The following ALK variants were observed in gnomAD, a reference collection of about 807,000 sequenced individuals.
The protein encoded by ALK is ALK receptor tyrosine kinase.
Under a neutral mutation model 163.1 loss-of-function variants are expected in ALK, and 74 were observed. The ratio of observed to expected loss-of-function variants is 0.45; its 90% CI spans 0.38 to 0.55. The LOEUF (loss-of-function observed/expected upper bound fraction) is 0.55, where lower values mean the gene tolerates loss of function less well. Ranked by LOEUF, ALK falls within the 20% of genes least tolerant of loss-of-function variation. The probability of loss-of-function intolerance (pLI) is 0.00; values close to 1 mark genes in which losing one functional copy is unlikely to be tolerated. For missense variants in ALK, 2,063 were observed against 2,105.3 expected (o/e 0.98, Z 0.39); for synonymous variants, 960 against 843.2 (o/e 1.14, Z -2.40).
intron 1 of ALK, among the ~76,000 whole-genome samples, chr2:29,868,019 G>A (rs1340986508): frequency 6.6e-6 from 1 of 152,160 alleles, no homozygotes; most frequent in Non-Finnish European, 1.5e-5. Flanking sequence ...GCAGGAACAG[G>A]TGTGTGTAAT....
chr2:29,710,450 C>T (rs1679044013), intron 2 of ALK, among the ~76,000 whole-genome samples: 1 of 151,702 alleles, frequency 6.6e-6, no homozygotes, highest in African/African-American at 2.4e-5. Flanking sequence ...TCCTGGATCT[C>T]CTCTGGGTCT....
At chr2:29,614,412 T>A (rs961535796) in intron 3 of ALK, among the ~76,000 whole-genome samples, 1 of 152,188 alleles carries the variant, frequency 6.6e-6, no homozygotes, top group Non-Finnish European at 1.5e-5. Context: ...GGCTCTGCGG[T>A]TAGTTCCTTT....
chr2:29,750,104 T>C (rs1463054781), intron 1 of ALK, among the ~76,000 whole-genome samples: 1 of 152,236 alleles, frequency 6.6e-6, no homozygotes, highest in African/African-American at 2.4e-5. Context: ...CATGATTGCA[T>C]GGGACTCGAG....
At chr2:29,306,145 CTCTT>C (rs1013625433) in intron 8 of ALK, among the ~76,000 whole-genome samples, 5 of 152,190 alleles carry the variant, frequency 3.3e-5, no homozygotes, top group Admixed American at 6.5e-5. Context: ...TGTTAATTGA[CTCTT>C]TACTGAATGC....
At chr2:29,833,730 G>A (rs928496306) in intron 1 of ALK, among the ~76,000 whole-genome samples, 6 of 152,178 alleles carry the variant, frequency 3.9e-5, no homozygotes, top group Non-Finnish European at 5.9e-5. Flanking sequence ...AGGTGACACC[G>A]TTCATAGGTG....
chr2:29,688,087 T>C (rs1376285978), intron 3 of ALK, among the ~76,000 whole-genome samples: 1 of 152,222 alleles, frequency 6.6e-6, no homozygotes, highest in Non-Finnish European at 1.5e-5. Context: ...CAAGAAGTTC[T>C]TTCTTTCCTC....
At chr2:29,788,926 T>C (rs1486181901) in intron 1 of ALK, among the ~76,000 whole-genome samples, 2 of 152,104 alleles carry the variant, frequency 1.3e-5, no homozygotes, top group Non-Finnish European at 2.9e-5. Flanking sequence ...GTAAAAGAGT[T>C]AGTAGACTGG....
At chr2:29,556,524 G>A (rs924930023) in intron 3 of ALK, among the ~76,000 whole-genome samples, 1 of 152,192 alleles carries the variant, frequency 6.6e-6, no homozygotes, top group African/African-American at 2.4e-5. Flanking sequence ...AATTCTCAAG[G>A]TTGTAGTCTC....
intron 11 of ALK, among the ~76,000 whole-genome samples, chr2:29,251,646 C>A (rs560146712): frequency 1.3e-5 from 2 of 152,194 alleles, no homozygotes; most frequent in Non-Finnish European, 2.9e-5. Flanking sequence ...GTGGGACAGG[C>A]GTAGGCAGTA....
At chr2:29,300,049 G>A (rs1346483739) in intron 8 of ALK, among the ~76,000 whole-genome samples, 1 of 152,186 alleles carries the variant, frequency 6.6e-6, no homozygotes, top group Non-Finnish European at 1.5e-5. Flanking sequence ...GCAGCATCGG[G>A]TGGCCTACAC....
chr2:29,270,830 G>T (rs1291083364), intron 11 of ALK, among the ~76,000 whole-genome samples: 1 of 152,090 alleles, frequency 6.6e-6, no homozygotes, highest in Non-Finnish European at 1.5e-5. Flanking sequence ...CCTCCAGAGG[G>T]AACTTCCTGC....
At chr2:29,575,950 T>A (rs1362560760) in intron 3 of ALK, among the ~76,000 whole-genome samples, 1 of 152,034 alleles carries the variant, frequency 6.6e-6, no homozygotes, top group Non-Finnish European at 1.5e-5. Context: ...GCAGAGGAAA[T>A]GTGTTTATAT....
rs1358818139 is a variant in ALK, at chr2:29,303,115, G to A, written c.1648-6058C>T. 4.6e-5 allele frequency among the ~76,000 whole-genome samples: 7 copies of A among 152,208 alleles called. No homozygotes were observed. The South Asian group carries it at 1.5e-3, about 32-fold the overall frequency. ...ATGGGAGAAAATATTTGCAAACTATGCATCCAAGAAGGGATTAATATCCAG... is the reference window on the plus strand; with the variant it reads ...ATGGGAGAAAATATTTGCAAACTATACATCCAAGAAGGGATTAATATCCAG... On this transcript the variant is annotated intron_variant, in intron 8 of 28. Transcript: ENST00000389048.
At chr2:29,595,872 T>C (rs1215172663) in intron 3 of ALK, among the ~76,000 whole-genome samples, 1 of 152,140 alleles carries the variant, frequency 6.6e-6, no homozygotes, top group African/African-American at 2.4e-5. Flanking sequence ...ATTCCAGGAC[T>C]GAAGGGAAAA....
chr2:29,745,817 T>G (rs190453667), intron 1 of ALK, among the ~76,000 whole-genome samples: 1 of 152,090 alleles, frequency 6.6e-6, no homozygotes, highest in Admixed American at 6.5e-5. Context: ...AGAGAGTAGG[T>G]GCTAAATAAA....
chr2:29,318,173 AG>A lies in ALK; in HGVS notation c.1647+130del, dbSNP rs1030422155. On this transcript the variant is annotated intron_variant, in intron 8 of 28. Transcript: ENST00000389048. ...ACATGCTCTGCCTCGAAGATGGCAGAGGTGGCCCTCTTGTTCTCTCCCCAGG... is the reference window on the plus strand; with the variant it reads ...ACATGCTCTGCCTCGAAGATGGCAGAGTGGCCCTCTTGTTCTCTCCCCAGG... 6.1e-5 allele frequency: 45 copies of A among 735,968 alleles called. 1 individual carries two copies. The African/African-American group carries it at 7.6e-4, about 12-fold the overall frequency. 45.6% of individuals were successfully genotyped at this position (735,968 alleles called of 1,614,324 possible).
chr2:29,678,820 A>G (rs1476259941), intron 3 of ALK, among the ~76,000 whole-genome samples: 1 of 151,774 alleles, frequency 6.6e-6, no homozygotes, highest in Non-Finnish European at 1.5e-5. Context: ...TCTATATTGA[A>G]GAATGTTCTC....
chr2:29,477,071 G>T (rs1326098576), intron 4 of ALK, among the ~76,000 whole-genome samples: 3 of 152,154 alleles, frequency 2.0e-5, no homozygotes, highest in Non-Finnish European at 4.4e-5. Flanking sequence ...GGCTAGAAAG[G>T]CTGTGGTGTG....
At chr2:29,878,306 C>A (rs138112926) in intron 1 of ALK, among the ~76,000 whole-genome samples, 1 of 152,242 alleles carries the variant, frequency 6.6e-6, no homozygotes, top group Non-Finnish European at 1.5e-5. Context: ...GAAATTAGGT[C>A]TCTAGGAGGT....
Sources: allele counts gnomAD v4.1 joint callset (sites outside exome capture counted in the v4.1 genomes callset), GRCh38; gene constraint gnomAD v4.1.1; transcripts MANE v1.5; gene names NCBI Gene and HGNC (gene_info 2026-07-23, HGNC 2026-07-21).